IGSF21: variants seen among roughly 807,000 people sequenced by gnomAD.
IGSF21 encodes immunoglobin superfamily member 21.
In IGSF21, 28 loss-of-function variants were observed where a neutral mutation model predicts 46.8. The observed-to-expected ratio is 0.60, with a 90% CI of 0.44 to 0.82. The LOEUF (loss-of-function observed/expected upper bound fraction) is 0.82. Among genes scored for constraint, IGSF21 ranks in the 40% least tolerant of loss-of-function variants. The pLI, the probability that IGSF21 is intolerant of heterozygous loss-of-function variation, is 0.00. For missense variants in IGSF21, 624 were observed against 665.5 expected, an observed-to-expected ratio of 0.94 and a Z score of 0.69; for synonymous variants, 284 against 273.6, an observed-to-expected ratio of 1.04 and a Z score of -0.38.
At chr1:18,341,500 C>G (rs529990555) in intron 4 of IGSF21, among the ~76,000 whole-genome samples, 1 of 152,208 alleles carries the variant, frequency 6.6e-6, no homozygotes, top group Non-Finnish European at 1.5e-5. Context: ...AGCTGACACT[C>G]TCTGCTCCCA....
intron 1 of IGSF21, among the ~76,000 whole-genome samples, chr1:18,164,130 T>A (rs1416339757): frequency 6.6e-6 from 1 of 152,182 alleles, no homozygotes; most frequent in Non-Finnish European, 1.5e-5. Context: ...CTACATGGCA[T>A]GTATTATGAC....
chr1:18,223,504 G>T (rs566144154), intron 1 of IGSF21, among the ~76,000 whole-genome samples: 1 of 152,248 alleles, frequency 6.6e-6, no homozygotes, highest in Non-Finnish European at 1.5e-5. Flanking sequence ...GGCATGGAAT[G>T]AGGTGCTCCA....
At chr1:18,112,302 T>C (rs1280696705) in intron 1 of IGSF21, 3 of 152,136 alleles carry the variant, frequency 2.0e-5, no homozygotes, top group African/African-American at 7.2e-5. Flanking sequence ...GTGCTGAGCA[T>C]TGGGAAAACG....
At chr1:18,320,267 G>A (rs2085587702) in intron 3 of IGSF21, among the ~76,000 whole-genome samples, 1 of 152,174 alleles carries the variant, frequency 6.6e-6, no homozygotes. Flanking sequence ...TGGCTCCTCT[G>A]TCTCTCATCT....
intron 2 of IGSF21, among the ~76,000 whole-genome samples, chr1:18,244,527 C>T (rs1029584547): frequency 5.3e-5 from 8 of 152,226 alleles, no homozygotes; most frequent in Non-Finnish European, 8.8e-5. Context: ...AACAATGGAT[C>T]CCTTGCACAA....
intron 4 of IGSF21, among the ~76,000 whole-genome samples, chr1:18,343,708 C>T (rs1278260745): frequency 1.3e-5 from 2 of 152,204 alleles, no homozygotes; most frequent in Non-Finnish European, 2.9e-5. Context: ...CTATTCTATC[C>T]CCATTGAATT....
At chr1:18,150,650 T>C (rs12404341) in intron 1 of IGSF21, among the ~76,000 whole-genome samples, 59,193 of 151,840 alleles carry the variant, frequency 0.39, 11,957 homozygotes, top group East Asian at 0.58. Flanking sequence ...TTTGACCCCT[T>C]TCTCCTCCTT....
chr1:18,198,748 G>C (rs935964448), intron 1 of IGSF21, among the ~76,000 whole-genome samples: 5 of 152,174 alleles, frequency 3.3e-5, no homozygotes, highest in African/African-American at 1.2e-4. Flanking sequence ...ACTGGGCTGG[G>C]TCATCCGATG....
chr1:18,272,585 G>A (rs2085053097), intron 2 of IGSF21, among the ~76,000 whole-genome samples: 1 of 152,224 alleles, frequency 6.6e-6, no homozygotes, highest in Non-Finnish European at 1.5e-5. Context: ...TCATGCTGAA[G>A]ATCCATCACC....
At chr1:18,258,414 C>T (rs1260428386) in intron 2 of IGSF21, among the ~76,000 whole-genome samples, 1 of 152,200 alleles carries the variant, frequency 6.6e-6, no homozygotes, top group African/African-American at 2.4e-5. Context: ...CTCCAGCAAC[C>T]TTGACCTTGA....
At chr1:18,302,303 C>T (rs2085370330) in intron 3 of IGSF21, among the ~76,000 whole-genome samples, 1 of 152,162 alleles carries the variant, frequency 6.6e-6, no homozygotes, top group African/African-American at 2.4e-5. Flanking sequence ...CTCCTGCTGG[C>T]TCCCACCTGT....
At chr1:18,287,524 T>A (rs570922882) in intron 2 of IGSF21, among the ~76,000 whole-genome samples, 4 of 152,238 alleles carry the variant, frequency 2.6e-5, no homozygotes, top group African/African-American at 4.8e-5. Flanking sequence ...ATGGAGTGAA[T>A]GAAATCATTC....
intron 4 of IGSF21, among the ~76,000 whole-genome samples, chr1:18,347,010 G>A (rs1433204226): frequency 1.3e-5 from 2 of 152,232 alleles, no homozygotes; most frequent in Non-Finnish European, 2.9e-5. Context: ...CACCGGCTGA[G>A]CGCCAGTTGA....
intron 1 of IGSF21, among the ~76,000 whole-genome samples, chr1:18,205,300 T>C (rs539460140): frequency 6.6e-6 from 1 of 152,278 alleles, no homozygotes; most frequent in Admixed American, 6.5e-5. Context: ...ACAATAAACA[T>C]ATATGATTCT....
In IGSF21 at chr1:18,338,238, A is replaced by C. The variant is rs567467396; in HGVS notation, c.424+3228A>C. On this transcript the variant is annotated intron_variant, in intron 4 of 9. Coordinates refer to ENST00000251296, the MANE Select transcript of IGSF21 (RefSeq NM_032880.5). ...CAAATAGTAGTCGGGTCAGTTACAA[A>C]CCAGGCACAATTAGACCAATCTCTG... Among the ~76,000 whole-genome samples the C allele has an allele frequency of 2.0e-5, 3 of 152,316 alleles. No individual in the cohort carries two copies. In the East Asian group the frequency reaches 5.8e-4, roughly 29 times the overall value.
intron 2 of IGSF21, among the ~76,000 whole-genome samples, chr1:18,261,981 A>G (rs551408372): frequency 6.6e-6 from 1 of 152,328 alleles, no homozygotes; most frequent in East Asian, 1.9e-4. Context: ...GAAGTGGAGT[A>G]GAATGGAGTT....
intron 1 of IGSF21, among the ~76,000 whole-genome samples, chr1:18,212,041 T>G (rs909939060): frequency 7.2e-5 from 11 of 152,322 alleles, no homozygotes; most frequent in African/African-American, 2.6e-4. Context: ...GCAGGCTTGC[T>G]GGGAGCAGCT....
intron 3 of IGSF21, among the ~76,000 whole-genome samples, chr1:18,309,161 A>G (rs572001180): frequency 8.5e-4 from 129 of 152,116 alleles, no homozygotes; most frequent in African/African-American, 2.8e-3. Flanking sequence ...TGTGGGCCTG[A>G]TGCCCTCAAA....
chr1:18,160,103 A>G (rs2086604121), intron 1 of IGSF21, among the ~76,000 whole-genome samples: 1 of 152,146 alleles, frequency 6.6e-6, no homozygotes, highest in Admixed American at 6.5e-5. Context: ...ATCCCCTAGG[A>G]TGGGCAGAGT....
Sources: allele counts gnomAD v4.1 joint callset (sites outside exome capture counted in the v4.1 genomes callset), GRCh38; gene constraint gnomAD v4.1.1; transcripts MANE v1.5; gene names NCBI Gene and HGNC (gene_info 2026-07-23, HGNC 2026-07-21).